Variants in SNRPN observed in about 807,000 individuals in gnomAD.
SNRPN encodes small nuclear ribonucleoprotein polypeptide N.
A neutral mutation model predicts 25.2 loss-of-function variants in SNRPN; 7 were observed. The observed-to-expected ratio is 0.28, with a 90% CI of 0.16 to 0.52. The LOEUF is 0.52. SNRPN is among the 20% of genes least tolerant of loss of function. SNRPN has a pLI of 0.96. For synonymous variants in SNRPN, 124 were observed against 110.6 expected (o/e 1.12, Z -0.76); for missense variants, 196 against 322.5 (o/e 0.61, Z 3.00).
Position 24,831,369 on chromosome 15 carries a change from A to G in SNRPN, c.-579+1464A>G, listed in dbSNP as rs1290647285. The stretch of plus-strand genomic sequence containing the variant: ...ATTGACAAAATTTGAGGTATTGACT[A>G]TGTAAAATCTTCACATCATCTTCAA... On this transcript the variant is annotated intron_variant, in intron 2 of 12. Coordinates refer to the SNRPN transcript ENST00000400100. 5.3e-5 allele frequency among the ~76,000 whole-genome samples: 8 copies of G among 152,016 alleles called. No homozygotes were observed. In the East Asian group the frequency reaches 1.3e-3, roughly 26 times the overall value.
At chr15:24,884,312 T>A (rs2057001605) in intron 1 of SNRPN, among the ~76,000 whole-genome samples, 1 of 152,108 alleles carries the variant, frequency 6.6e-6, no homozygotes, top group Non-Finnish European at 1.5e-5. Context: ...TCAGCCTGGG[T>A]GAAAGAGCGA....
intron 2 of SNRPN, among the ~76,000 whole-genome samples, chr15:24,893,043 T>TA (rs2057799899): frequency 6.6e-6 from 1 of 151,818 alleles, no homozygotes; most frequent in African/African-American, 2.4e-5. Context: ...ACCCCGTCTC[T>TA]ACTAAAAATA....
chr15:24,945,838 G>A (rs2061850619), intron 3 of SNRPN, among the ~76,000 whole-genome samples: 1 of 152,112 alleles, frequency 6.6e-6, no homozygotes, highest in Non-Finnish European at 1.5e-5. Context: ...GAGAAATTCA[G>A]CAAAGATTTC....
intron 2 of SNRPN, among the ~76,000 whole-genome samples, chr15:24,887,992 T>C (rs2057344006): frequency 6.6e-6 from 1 of 152,186 alleles, no homozygotes; most frequent in African/African-American, 2.4e-5. Flanking sequence ...ATGTAAAAAG[T>C]ATTAATCATT....
chr15:24,951,513 C>CT (rs34222681), upstream of SNRPN, among the ~76,000 whole-genome samples: 2,375 of 143,564 alleles, frequency 0.017, 28 homozygotes, highest in African/African-American at 0.023. Context: ...AATAGTAACA[C>CT]TTTTTTTTTT....
At chr15:24,931,369 C>T (rs780294693) in intron 3 of SNRPN, among the ~76,000 whole-genome samples, 19 of 152,102 alleles carry the variant, frequency 1.2e-4, no homozygotes, top group Non-Finnish European at 2.5e-4. Flanking sequence ...CTATTGTAAT[C>T]GTGAAGAAAG....
At chr15:24,865,033 T>C (rs1196966552) in intron 1 of SNRPN, among the ~76,000 whole-genome samples, 1 of 148,418 alleles carries the variant, frequency 6.7e-6, no homozygotes, top group African/African-American at 2.5e-5. Context: ...TTCACCTTGG[T>C]GTGGAGACTG....
At chr15:24,903,880 AAAAAATT>A (rs2151673696) in intron 2 of SNRPN, among the ~76,000 whole-genome samples, 1 of 152,148 alleles carries the variant, frequency 6.6e-6, no homozygotes, top group Admixed American at 6.5e-5. Context: ...AAAAACATAC[AAAAAATT>A]GCTGTGTGTG....
At chr15:24,848,688 T>C (rs998095646) in intron 2 of SNRPN, 5 of 152,212 alleles carry the variant, frequency 3.3e-5, no homozygotes, top group African/African-American at 1.2e-4. Context: ...TATCGTTTTG[T>C]AAATATCGGA....
chr15:24,932,613 G>A (rs942346088), intron 3 of SNRPN, among the ~76,000 whole-genome samples: 1 of 150,426 alleles, frequency 6.6e-6, no homozygotes, highest in Non-Finnish European at 1.5e-5. Flanking sequence ...ATCATAATGT[G>A]TATTCCACCA....
intron 2 of SNRPN, among the ~76,000 whole-genome samples, chr15:24,911,870 A>T (rs1407586527): frequency 3.9e-5 from 6 of 152,230 alleles, no homozygotes; most frequent in Non-Finnish European, 8.8e-5. Context: ...CTGAGTTCCT[A>T]GACCCAGACC....
intron 5 of SNRPN, among the ~76,000 whole-genome samples, chr15:24,975,861 C>A (rs560052485): frequency 6.6e-6 from 1 of 152,290 alleles, no homozygotes; most frequent in Non-Finnish European, 1.5e-5. Flanking sequence ...AACAGTTGTT[C>A]TTCATGGTTG....
chr15:24,837,327 T>G (rs904788173), intron 2 of SNRPN, among the ~76,000 whole-genome samples: 1 of 151,594 alleles, frequency 6.6e-6, no homozygotes, highest in Non-Finnish European at 1.5e-5. Flanking sequence ...AAAAATCCCG[T>G]GGAAAAACAC....
At chr15:24,907,514 C>T (rs752817703) in intron 2 of SNRPN, among the ~76,000 whole-genome samples, 1 of 152,034 alleles carries the variant, frequency 6.6e-6, no homozygotes, top group African/African-American at 2.4e-5. Context: ...AGGAGAATGG[C>T]ATGAACCCAG....
At chr15:24,894,149 G>C (rs1292946067) in intron 2 of SNRPN, among the ~76,000 whole-genome samples, 6 of 152,142 alleles carry the variant, frequency 3.9e-5, no homozygotes, top group Admixed American at 3.9e-4. Flanking sequence ...CAACCTGATG[G>C]TTGGCTGCTT....
rs868324384 is a variant in SNRPN at position 24,826,535 on chromosome 15, T to C, written c.-687+2685T>C. On this transcript the variant is annotated intron_variant, in intron 1 of 12. Transcript: ENST00000400100. ...ACAAACCCTGTTAGTTTTTCTGCAG[T>C]ATTTGGATTCATACCTTCTGAAATT... is the stretch of plus-strand genomic sequence containing the variant. Among the ~76,000 whole-genome samples, 4 of 152,278 alleles carry C rather than the reference T, an allele frequency of 2.6e-5. No homozygotes were observed. The Middle Eastern group carries it at 0.01, about 388-fold the overall frequency.
chr15:24,951,459 T>C (rs2062265494), upstream of SNRPN, among the ~76,000 whole-genome samples: 1 of 152,090 alleles, frequency 6.6e-6, no homozygotes, highest in Admixed American at 6.6e-5. Context: ...ACTATTTTAA[T>C]CCTTTGCCCA....
intron 1 of SNRPN, among the ~76,000 whole-genome samples, chr15:24,961,599 G>A (rs946514944): frequency 6.6e-6 from 1 of 152,112 alleles, no homozygotes; most frequent in African/African-American, 2.4e-5. Context: ...AGCTTGAGCA[G>A]CTCTTCTATT....
intron 3 of SNRPN, among the ~76,000 whole-genome samples, chr15:24,922,341 A>G (rs2060081882): frequency 6.6e-6 from 1 of 152,226 alleles, no homozygotes; most frequent in African/African-American, 2.4e-5. Flanking sequence ...TTTCACTGAC[A>G]TGAAACCCAG....
Sources: gnomAD v4.1 joint callset for allele counts (sites outside exome capture counted in the v4.1 genomes callset) on GRCh38, gnomAD v4.1.1 for gene constraint, MANE v1.5 for transcripts, NCBI Gene and HGNC (gene_info 2026-07-23, HGNC 2026-07-21) for gene names.